Variants in ADAMTS17 observed in about 807,000 individuals in gnomAD.
ADAMTS17 encodes the protein A disintegrin and metalloproteinase with thrombospondin motifs 17.
ADAMTS17 carries 113 observed loss-of-function variants against 141.5 expected under a neutral mutation model. The ratio of observed to expected loss-of-function variants is 0.80; its 90% confidence interval spans 0.69 to 0.93. The LOEUF (loss-of-function observed/expected upper bound fraction) is 0.93, where lower values mean the gene tolerates loss of function less well. ADAMTS17 is among the 40% of genes least tolerant of loss of function. The pLI is 0.00. For synonymous variants in ADAMTS17, 768 were observed against 630.6 expected (o/e 1.22, Z -3.27); for missense variants, 1,659 against 1,517.9 (o/e 1.09, Z -1.54).
intron 7 of ADAMTS17, among the ~76,000 whole-genome samples, chr15:100,209,949 C>G (rs751797526): frequency 6.6e-6 from 1 of 152,170 alleles, no homozygotes; most frequent in African/African-American, 2.4e-5. Context: ...ATGTTCTTCA[C>G]CTTTCAAGCA....
At chr15:100,334,504 GAAA>G (rs767730717) in intron 2 of ADAMTS17, among the ~76,000 whole-genome samples, 7 of 152,124 alleles carry the variant, frequency 4.6e-5, no homozygotes, top group Non-Finnish European at 8.8e-5. Flanking sequence ...CTTCCAAGAA[GAAA>G]AAGCCACCCT....
At chr15:100,242,507 A>G (rs2042857731) in intron 7 of ADAMTS17, among the ~76,000 whole-genome samples, 1 of 152,150 alleles carries the variant, frequency 6.6e-6, no homozygotes, top group African/African-American at 2.4e-5. Context: ...AAAGGGCTCT[A>G]ATTCACTCCC....
At chr15:100,054,425 C>T (rs537499310) in intron 15 of ADAMTS17, among the ~76,000 whole-genome samples, 10 of 152,140 alleles carry the variant, frequency 6.6e-5, no homozygotes, top group Non-Finnish European at 1.0e-4. Flanking sequence ...GGTTTTCTGC[C>T]TGATGAATTC....
intron 3 of ADAMTS17, among the ~76,000 whole-genome samples, chr15:100,296,603 G>C (rs200304784): frequency 6.6e-6 from 1 of 151,340 alleles, no homozygotes; most frequent in African/African-American, 2.4e-5. Context: ...GTGTGTGTGT[G>C]TATGTGTGTG....
chr15:100,124,987 G>C (rs2037656464), intron 12 of ADAMTS17, among the ~76,000 whole-genome samples: 1 of 152,198 alleles, frequency 6.6e-6, no homozygotes, highest in Non-Finnish European at 1.5e-5. Context: ...AGAGAGGCTG[G>C]AAGAGAAAGA....
At chr15:100,074,442 G>A (rs2034223871) in intron 15 of ADAMTS17, among the ~76,000 whole-genome samples, 1 of 152,068 alleles carries the variant, frequency 6.6e-6, no homozygotes, top group Non-Finnish European at 1.5e-5. Flanking sequence ...TAGGAATAAA[G>A]GTTGAATTTT....
intron 15 of ADAMTS17, among the ~76,000 whole-genome samples, chr15:100,095,922 C>A (rs2035728644): frequency 6.6e-6 from 1 of 152,232 alleles, no homozygotes; most frequent in African/African-American, 2.4e-5. Context: ...GACTGTACGG[C>A]TTCATGCACG....
intron 5 of ADAMTS17, 105 bp from the exon 6 acceptor site, chr15:100,261,741 A>G (rs903241284): frequency 1.5e-6 from 2 of 1,296,336 alleles, no homozygotes; most frequent in Non-Finnish European, 2.2e-6. Context: ...ACTCACTGAG[A>G]CATCATTTGA....
intron 3 of ADAMTS17, among the ~76,000 whole-genome samples, chr15:100,324,337 G>T (rs1372181198): frequency 1.3e-5 from 2 of 152,090 alleles, no homozygotes; most frequent in African/African-American, 4.8e-5. Context: ...AAAAAGCTCT[G>T]AAGCAAATCT....
At chr15:100,062,939 G>A (rs1401102332) in intron 15 of ADAMTS17, among the ~76,000 whole-genome samples, 3 of 152,192 alleles carry the variant, frequency 2.0e-5, no homozygotes, top group African/African-American at 7.2e-5. Context: ...GCACCCTGCT[G>A]TCTCCACTTC....
intron 7 of ADAMTS17, among the ~76,000 whole-genome samples, chr15:100,233,961 A>C (rs1455760760): frequency 6.6e-6 from 1 of 152,132 alleles, no homozygotes; most frequent in Admixed American, 6.5e-5. Context: ...AAGTGTCTTC[A>C]GAAGCTGTTA....
chr15:100,323,192 G>A lies in ADAMTS17; in HGVS notation c.616+7697C>T, dbSNP rs2045788262. Among the ~76,000 whole-genome samples the A allele has an allele frequency of 2.7e-5, 4 of 149,540 alleles. No homozygotes were observed. In the South Asian group the frequency reaches 8.4e-4, roughly 31 times the overall value. ...ATTTATAGCATAATATTTACTTTCT[G>A]CCACATGCTGTGTTTACATATATTA... On this transcript the variant is annotated intron_variant, in intron 3 of 21. Coordinates refer to ENST00000268070, the MANE Select transcript of ADAMTS17 (RefSeq NM_139057.4).
chr15:100,290,152 C>T (rs1280834481), intron 3 of ADAMTS17, among the ~76,000 whole-genome samples: 1 of 152,086 alleles, frequency 6.6e-6, no homozygotes, highest in Non-Finnish European at 1.5e-5. Context: ...GATCTGATAA[C>T]TCCAGCAAAG....
Position 100,004,337 on chromosome 15 carries a change from T to C in ADAMTS17, c.2592-6748A>G, listed in dbSNP as rs116715416. Among the ~76,000 whole-genome samples the C allele has an allele frequency of 4.3e-3, 659 of 152,328 alleles. 5 individuals carry two copies. The highest frequency in any genetic ancestry group is 0.015 in the African/African-American group (617 of 41,574). Reference sequence around the variant, plus strand: ...AATGACTTCCTTAAAACTTCTTTTTTTGGTGGCATAAAGAAATCATTTCAC... The same window carrying C: ...AATGACTTCCTTAAAACTTCTTTTTCTGGTGGCATAAAGAAATCATTTCAC... On this transcript the variant is annotated intron_variant, in intron 18 of 21. Coordinates refer to ENST00000268070, the MANE Select transcript of ADAMTS17 (RefSeq NM_139057.4).
intron 15 of ADAMTS17, among the ~76,000 whole-genome samples, chr15:100,094,065 C>T (rs779538150): frequency 6.7e-6 from 1 of 150,368 alleles, no homozygotes; most frequent in Non-Finnish European, 1.5e-5. Flanking sequence ...CTCGTGGTCA[C>T]AGACTCCAGC....
intron 18 of ADAMTS17, among the ~76,000 whole-genome samples, chr15:100,015,364 G>A (rs1038877325): frequency 2.0e-5 from 3 of 152,134 alleles, no homozygotes; most frequent in African/African-American, 7.2e-5. Flanking sequence ...TGGGATGTGA[G>A]GTACCGTTGC....
intron 10 of ADAMTS17, among the ~76,000 whole-genome samples, chr15:100,139,608 T>C (rs928373328): frequency 6.6e-6 from 1 of 152,252 alleles, no homozygotes; most frequent in Non-Finnish European, 1.5e-5. Flanking sequence ...TGGAGTATCC[T>C]GCCAGGTAAC....
At chr15:100,279,831 C>T (rs1004499384) in intron 4 of ADAMTS17, among the ~76,000 whole-genome samples, 4 of 152,212 alleles carry the variant, frequency 2.6e-5, no homozygotes, top group Non-Finnish European at 5.9e-5. Context: ...TGAGTTGTAG[C>T]TGTTTCTGCT....
intron 14 of ADAMTS17, among the ~76,000 whole-genome samples, chr15:100,099,587 A>C (rs1408356832): frequency 1.3e-5 from 2 of 152,162 alleles, no homozygotes; most frequent in Non-Finnish European, 2.9e-5. Flanking sequence ...TTTCCTAGGA[A>C]TCTTCATCAC....
Sources: gnomAD v4.1 joint callset for allele counts (sites outside exome capture counted in the v4.1 genomes callset) on GRCh38, gnomAD v4.1.1 for gene constraint, MANE v1.5 for transcripts, NCBI Gene and HGNC (gene_info 2026-07-23, HGNC 2026-07-21) for gene names.